The following LPIN1 variants were observed in gnomAD, a reference collection of about 807,000 sequenced individuals.
The protein encoded by LPIN1 is phosphatidate phosphatase LPIN1.
In LPIN1, 71 loss-of-function variants were observed where a neutral mutation model predicts 107.5. The observed-to-expected ratio is 0.66, with a 90% CI of 0.55 to 0.80. The LOEUF (loss-of-function observed/expected upper bound fraction) is 0.80, where lower values mean the gene tolerates loss of function less well. Among genes scored for constraint, LPIN1 ranks in the 30% least tolerant of loss-of-function variants. The pLI, the probability that LPIN1 is intolerant of heterozygous loss-of-function variation, is 0.00. For synonymous variants in LPIN1, 445 were observed against 452.6 expected, an observed-to-expected ratio of 0.98 and a Z score of 0.21; for missense variants, 1,043 against 1,160.6, an observed-to-expected ratio of 0.90 and a Z score of 1.47.
intron 1 of LPIN1, among the ~76,000 whole-genome samples, chr2:11,704,422 C>T (rs1032821010): frequency 8.5e-5 from 13 of 152,210 alleles, no homozygotes; most frequent in Non-Finnish European, 1.6e-4. Context: ...TAGCACATCA[C>T]CACCCTGGAT....
At position 11,826,889 on chromosome 2, in the gene LPIN1, A is replaced by T. The variant is rs957485696; in HGVS notation, c.*2098A>T. 15 of 152,408 alleles carry T rather than the reference A, an allele frequency of 9.8e-5. No individual in the cohort carries two copies. Among genetic ancestry groups the T allele is most frequent in the African/African-American group, 3.6e-4 (15 of 41,410 alleles). 9.4% of individuals were successfully genotyped at this position (152,408 alleles called of 1,614,324 possible). A position where few individuals can be genotyped will look rare whatever the true frequency, so the allele number is the denominator to read the frequency against. On this transcript the variant is annotated 3_prime_UTR_variant, in exon 21 of 21. Coordinates refer to ENST00000674199, the MANE Select transcript of LPIN1 (RefSeq NM_001349206.2). ...CAGAGCATGCTTTCCAGAAAGTCAC[A>T]CTCTCAGATCTGTGTCAAGTTCAAT... is the stretch of plus-strand genomic sequence containing the variant.
upstream of LPIN1, among the ~76,000 whole-genome samples, chr2:11,743,826 A>G (rs902400310): frequency 6.6e-6 from 1 of 152,060 alleles, no homozygotes; most frequent in Non-Finnish European, 1.5e-5. This position sits in a 1 kb window ranked among gnomAD's most constrained non-coding sequence, Gnocchi z 4.7. Flanking sequence ...CTTCCCGCCT[A>G]CCTTGCCCCA....
intron 13 of LPIN1, among the ~76,000 whole-genome samples, chr2:11,794,362 T>C (rs1317891903): frequency 6.6e-6 from 1 of 152,208 alleles, no homozygotes; most frequent in Non-Finnish European, 1.5e-5. Flanking sequence ...ATTAAATGTT[T>C]CTTTAAAAAT....
At chr2:11,725,062 C>A (rs1215219614) in intron 1 of LPIN1, among the ~76,000 whole-genome samples, 1 of 152,100 alleles carries the variant, frequency 6.6e-6, no homozygotes, top group Admixed American at 6.5e-5. Context: ...GAGATCGAGA[C>A]CATCCCGGCT....
chr2:11,677,745 T>C (rs1325149106), intron 1 of LPIN1: 2 of 1,532,340 alleles, frequency 1.3e-6, no homozygotes, highest in African/African-American at 1.4e-5. Context: ...GCCGGCCATG[T>C]GGCCATCTGC....
At chr2:11,724,539 G>T in exon 1 of LPIN1, 1 of 985,698 alleles carries the variant, frequency 1.0e-6, no homozygotes, top group Non-Finnish European at 1.2e-6. Context: ...AGGAGACCCA[G>T]GTTCGCATGA....
intron 17 of LPIN1, 120 bp from the exon 18 acceptor site, chr2:11,814,968 G>A: frequency 7.8e-6 from 7 of 902,456 alleles, no homozygotes; most frequent in South Asian, 7.3e-5. Flanking sequence ...GTGGACTTTT[G>A]TATGTGGGGG....
intron 1 of LPIN1, among the ~76,000 whole-genome samples, chr2:11,752,103 TG>T (rs1432933563): frequency 3.3e-5 from 5 of 152,232 alleles, no homozygotes; most frequent in Non-Finnish European, 7.3e-5. Context: ...TTACTGTTTT[TG>T]TACACGGATC....
chr2:11,710,999 A>G (rs1663379335), intron 1 of LPIN1, among the ~76,000 whole-genome samples: 1 of 152,236 alleles, frequency 6.6e-6, no homozygotes, highest in Non-Finnish European at 1.5e-5. Flanking sequence ...CTTGGGGGTC[A>G]GAGATATTGC....
chr2:11,781,543 A>G (rs1228840139), intron 7 of LPIN1, among the ~76,000 whole-genome samples: 1 of 152,264 alleles, frequency 6.6e-6, no homozygotes, highest in Non-Finnish European at 1.5e-5. Context: ...CTCTGGCGGT[A>G]GAATCAGAAA....
upstream of LPIN1, among the ~76,000 whole-genome samples, chr2:11,721,224 G>A (rs1473520007): frequency 1.3e-5 from 2 of 151,594 alleles, no homozygotes; most frequent in African/African-American, 4.9e-5. Flanking sequence ...ATGCGCTGGG[G>A]TATCTTGGAC....
At chr2:11,762,273 C>T (rs1669961085) in intron 1 of LPIN1, among the ~76,000 whole-genome samples, 1 of 152,152 alleles carries the variant, frequency 6.6e-6, no homozygotes, top group African/African-American at 2.4e-5. Context: ...CTCTAGCACC[C>T]CAGCCTCCCA....
upstream of LPIN1, among the ~76,000 whole-genome samples, chr2:11,744,772 G>T (rs1216234265): frequency 6.6e-6 from 1 of 152,180 alleles, no homozygotes; most frequent in Non-Finnish European, 1.5e-5. Context: ...GTGCAGGAGG[G>T]CTTCCTTCTG....
At chr2:11,798,317 A>C (rs2148687937) in intron 14 of LPIN1, among the ~76,000 whole-genome samples, 1 of 152,316 alleles carries the variant, frequency 6.6e-6, no homozygotes, top group African/African-American at 2.4e-5. Context: ...TAGGTTTACA[A>C]GGGAGGGAAG....
At chr2:11,708,615 T>C (rs1159099530) in intron 1 of LPIN1, among the ~76,000 whole-genome samples, 1 of 152,084 alleles carries the variant, frequency 6.6e-6, no homozygotes, top group Non-Finnish European at 1.5e-5. Flanking sequence ...ATGTGCTCAA[T>C]GGAGCAGGAG....
chr2:11,699,933 T>C (rs1662782748), intron 1 of LPIN1, among the ~76,000 whole-genome samples: 1 of 151,980 alleles, frequency 6.6e-6, no homozygotes, highest in Admixed American at 6.6e-5. Context: ...CTCAGTTTCT[T>C]CAATTAAAAA....
intron 1 of LPIN1, among the ~76,000 whole-genome samples, chr2:11,702,073 A>G (rs1435440378): frequency 2.0e-5 from 3 of 152,180 alleles, no homozygotes; most frequent in African/African-American, 7.2e-5. Context: ...AGACAGGAAA[A>G]TGACTTTCAC....
rs191746494 is a variant in LPIN1, at chr2:11,759,529, C to T, written c.-9-6004C>T. Among the ~76,000 whole-genome samples, 133 of 152,320 alleles carry T rather than the reference C, an allele frequency of 8.7e-4. No individual in the cohort carries two copies. The East Asian group carries it at 0.022, about 26-fold the overall frequency. On this transcript the variant is annotated intron_variant, in intron 1 of 20. Transcript: ENST00000674199. ...GTCATAGATCAACAGCATCCCAAGG[C>T]AGAAGAATTTTTCTTAGTACAGAAC...
rs546581479 is a variant in LPIN1, at chr2:11,789,068, A to AT, written c.1713+618dup. ...CTAGACAGTCAGCCTGGAGTTGTTA[A>AT]TTTTTTCAATGATAGATCTTCCTGC... is the stretch of plus-strand genomic sequence containing the variant. On this transcript the variant is annotated intron_variant, in intron 12 of 20. Transcript: ENST00000674199. Among the ~76,000 whole-genome samples, 43 of 152,318 alleles carry AT rather than the reference A, an allele frequency of 2.8e-4. 1 individual carries two copies. Among genetic ancestry groups the AT allele is most frequent in the East Asian group, 2.3e-3 (12 of 5,182 alleles).
Sources: allele counts gnomAD v4.1 joint callset (sites outside exome capture counted in the v4.1 genomes callset), GRCh38; gene constraint gnomAD v4.1.1; non-coding constraint Gnocchi (gnomAD v3.1); transcripts MANE v1.5; gene names NCBI Gene and HGNC (gene_info 2026-07-23, HGNC 2026-07-21).